Variants in ARFGAP3 observed in about 807,000 individuals in gnomAD.
ARFGAP3 encodes ARF GTPase activating protein 3, also known as ADP-ribosylation factor GTPase-activating protein 3.
Under a neutral mutation model 75.0 loss-of-function variants are expected in ARFGAP3, and 72 were observed. The ratio of observed to expected loss-of-function variants is 0.96; its 90% confidence interval spans 0.79 to 1.17. ARFGAP3 has a LOEUF of 1.17. Among genes scored for constraint, ARFGAP3 ranks in the 50% most tolerant of loss-of-function variants. ARFGAP3 has a pLI of 0.00. For synonymous variants in ARFGAP3, 221 were observed against 217.9 expected (o/e 1.01, Z -0.13); for missense variants, 620 against 626.6 (o/e 0.99, Z 0.11).
chr22:42,797,507 G>T lies in ARFGAP3; in HGVS notation c.*81C>A. ...GCAAAACAATCTGCAAAACTATCTG[G>T]ACTTCACTGCCGCCTGAGATGTGGT... On this transcript the variant is annotated 3_prime_UTR_variant, in exon 16 of 16. Transcript: ENST00000263245. 12 of 1,564,572 alleles carry T rather than the reference G, an allele frequency of 7.7e-6. No homozygotes were observed. The highest frequency in any genetic ancestry group is 1.1e-5 in the Non-Finnish European group (12 of 1,136,138).
chr22:42,822,757 C>A (rs1224949659), intron 8 of ARFGAP3, among the ~76,000 whole-genome samples: 2 of 152,082 alleles, frequency 1.3e-5, no homozygotes, highest in Non-Finnish European at 2.9e-5. Flanking sequence ...AAAATAGTTA[C>A]TAATTCTGTG....
rs144311692 is a variant in ARFGAP3 at position 42,847,427 on chromosome 22, G to A, written c.188+87C>T. The A allele has an allele frequency of 1.1e-4, 133 of 1,200,412 alleles. No individual in the cohort carries two copies. The East Asian group carries it at 3.0e-3, about 27-fold the overall frequency. The allele number at this position is 1,200,412 out of a possible 1,614,324, so 74.4% of individuals were successfully genotyped here. A position where few individuals can be genotyped will look rare whatever the true frequency, so the allele number is the denominator to read the frequency against. ...GTGACAGGCGACAAGGCAAGACACT[G>A]TCTCAAAAAAAGAAAAGAAAAAAGG... On this transcript the variant is annotated intron_variant, in intron 2 of 15. Coordinates refer to ENST00000263245, the MANE Select transcript of ARFGAP3 (RefSeq NM_014570.5).
chr22:42,852,016 T>C (rs1927297151), intron 1 of ARFGAP3, among the ~76,000 whole-genome samples: 1 of 152,056 alleles, frequency 6.6e-6, no homozygotes, highest in African/African-American at 2.4e-5. Context: ...GCCCCACACT[T>C]AGAATAAAAG....
At chr22:42,827,902 C>T (rs1926111394) in intron 6 of ARFGAP3, among the ~76,000 whole-genome samples, 1 of 152,130 alleles carries the variant, frequency 6.6e-6, no homozygotes, top group African/African-American at 2.4e-5. Flanking sequence ...ACCTTGGCCT[C>T]CCAAAGTGTT....
In ARFGAP3 at chr22:42,799,075, G is replaced by A; in HGVS notation, c.1497C>T (p.Leu499=). 1 of 1,614,188 alleles carries A rather than the reference G, an allele frequency of 6.2e-7. No homozygotes were observed. The highest frequency in any genetic ancestry group is 1.1e-5 in the South Asian group (1 of 91,076). Residue 499 remains leucine, a synonymous_variant, in exon 15 of 16, where the codon CTC becomes CTT. Coordinates refer to ENST00000263245, the MANE Select transcript of ARFGAP3 (RefSeq NM_014570.5). ...KQGVRSVAGK[L]SVFANGVVTS... ...TCACGACTCCATTAGCAAAGACGGA[G>A]AGTTTTCCAGCAACCGATCTCACTC... is the stretch of plus-strand genomic sequence containing the variant.
chr22:42,843,917 T>C (rs900466911), intron 2 of ARFGAP3, among the ~76,000 whole-genome samples: 3 of 152,220 alleles, frequency 2.0e-5, no homozygotes, highest in African/African-American at 4.8e-5. Flanking sequence ...GCCCTCTCCA[T>C]ATACTCTTAA....
intron 2 of ARFGAP3, among the ~76,000 whole-genome samples, chr22:42,845,895 G>A (rs1392742756): frequency 6.6e-6 from 1 of 151,986 alleles, no homozygotes; most frequent in African/African-American, 2.4e-5. Context: ...AAAATTAGCT[G>A]AGTGTGGTGG....
intron 8 of ARFGAP3, among the ~76,000 whole-genome samples, chr22:42,823,343 T>G (rs1925895231): frequency 6.6e-6 from 1 of 151,970 alleles, no homozygotes; most frequent in East Asian, 1.9e-4. Context: ...ACAACCACCC[T>G]CTAAGCCTCA....
At chr22:42,838,204 C>T (rs1038328527) in intron 3 of ARFGAP3, among the ~76,000 whole-genome samples, 1 of 150,856 alleles carries the variant, frequency 6.6e-6, no homozygotes, top group Non-Finnish European at 1.5e-5. Context: ...GATTGAGAAA[C>T]TAGCATTTTG....
chr22:42,826,420 C>T (rs535998768), intron 7 of ARFGAP3, among the ~76,000 whole-genome samples: 1 of 151,490 alleles, frequency 6.6e-6, no homozygotes, highest in Admixed American at 6.6e-5. Context: ...CACTCTGTCA[C>T]CCAGGGCAGA....
chr22:42,857,087 A>C, intron 1 of ARFGAP3, 27 bp downstream of exon 1: 2 of 1,494,090 alleles, frequency 1.3e-6, no homozygotes, highest in African/African-American at 1.5e-5. Context: ...GATGCCAGGC[A>C]GGCCCGCACT....
chr22:42,850,114 C>A (rs1186169303), intron 1 of ARFGAP3, among the ~76,000 whole-genome samples: 1 of 152,134 alleles, frequency 6.6e-6, no homozygotes, highest in Non-Finnish European at 1.5e-5. Context: ...CTTTAAAATA[C>A]ACAGTGCTAA....
intron 3 of ARFGAP3, among the ~76,000 whole-genome samples, chr22:42,837,369 C>A (rs895825054): frequency 3.3e-5 from 5 of 151,984 alleles, no homozygotes; most frequent in Non-Finnish European, 7.4e-5. Flanking sequence ...GCCTGCAATC[C>A]CAGCATTTTG....
chr22:42,843,224 C>T (rs2146577956), intron 2 of ARFGAP3, among the ~76,000 whole-genome samples: 2 of 152,318 alleles, frequency 1.3e-5, no homozygotes, highest in Middle Eastern at 6.8e-3. Flanking sequence ...GAACTTTTAG[C>T]TCCCAGTGTG....
At chr22:42,815,314 T>C (rs1374834558) in intron 11 of ARFGAP3, among the ~76,000 whole-genome samples, 2 of 152,088 alleles carry the variant, frequency 1.3e-5, no homozygotes, top group Non-Finnish European at 2.9e-5. Context: ...CTGAGTAAAG[T>C]GAAACTTGGT....
rs534178318 is a variant in ARFGAP3 at position 42,802,658 on chromosome 22, G to A, written c.1412-3498C>T. The stretch of plus-strand genomic sequence containing the variant: ...GCTCTGTTGCCCAGGCTGGAGTGCA[G>A]TGGTGCGATCTCGGCTCACTGCAAG... On this transcript the variant is annotated intron_variant, in intron 14 of 15. Coordinates refer to ENST00000263245, the MANE Select transcript of ARFGAP3 (RefSeq NM_014570.5). Among the ~76,000 whole-genome samples the A allele has an allele frequency of 1.8e-4, 26 of 143,276 alleles. 2 individuals carry two copies. The South Asian group carries it at 5.6e-3, about 31-fold the overall frequency. 94.0% of individuals were successfully genotyped at this position (143,276 alleles called of 152,430 possible). A position where few individuals can be genotyped will look rare whatever the true frequency, so the allele number is the denominator to read the frequency against.
intron 3 of ARFGAP3, among the ~76,000 whole-genome samples, chr22:42,838,460 G>A (rs1289548881): frequency 6.6e-6 from 1 of 151,662 alleles, no homozygotes; most frequent in Non-Finnish European, 1.5e-5. Context: ...ACTATGCCTT[G>A]CTAATTTTTA....
In ARFGAP3 at chr22:42,835,432, C is replaced by T. The variant is rs768282191; in HGVS notation, c.323G>A (p.Arg108His). ...TNDTNAKYNS[R>H]AAQLYREKIK... ...TTTCTCCCTATAGAGCTGAGCAGCA[C>T]GACTGTTGTACTTGGCATTGGTGTC... The change falls in exon 4 of 16, where the codon CGT (arginine) becomes CAT (histidine). Residue 108 changes from arginine to histidine, a missense_variant. Physicochemically the swap from Arg to His is conservative, Grantham distance 29. Transcript: ENST00000263245. The T allele has an allele frequency of 3.7e-5, 59 of 1,614,100 alleles. No individual in the cohort carries two copies. Among genetic ancestry groups the T allele is most frequent in the South Asian group, 5.5e-5 (5 of 91,082 alleles).
At chr22:42,835,980 CTTTTTTTT>C (rs545758118) in intron 3 of ARFGAP3, among the ~76,000 whole-genome samples, 1 of 105,744 alleles carries the variant, frequency 9.5e-6, no homozygotes, top group Non-Finnish European at 1.9e-5. Flanking sequence ...CCATTTCTTT[CTTTTTTTT>C]TTTTTTTTTT....
Sources: allele counts gnomAD v4.1 joint callset (sites outside exome capture counted in the v4.1 genomes callset), GRCh38; gene constraint gnomAD v4.1.1; transcripts MANE v1.5; gene names NCBI Gene and HGNC (gene_info 2026-07-23, HGNC 2026-07-21).